The following SEM1 variants were observed in gnomAD, a reference collection of about 807,000 sequenced individuals.
SEM1 encodes the protein SEM1 26S proteasome subunit.
Under a neutral mutation model 12.7 loss-of-function variants are expected in SEM1, and 3 were observed. That is an observed-to-expected ratio of 0.24 (90% CI 0.11 to 0.61). The LOEUF (loss-of-function observed/expected upper bound fraction) is 0.61, where lower values mean the gene tolerates loss of function less well. Ranked by LOEUF, SEM1 falls within the 20% of genes least tolerant of loss-of-function variation. SEM1 has a pLI of 0.88. For missense variants in SEM1, 59 were observed against 81.3 expected (o/e 0.73, Z 1.06); for synonymous variants, 30 against 27.8 (o/e 1.08, Z -0.25).
intron 2 of SEM1, among the ~76,000 whole-genome samples, chr7:96,667,636 A>T (rs993329362): frequency 6.6e-6 from 1 of 152,216 alleles, no homozygotes; most frequent in Admixed American, 6.5e-5. Context: ...ACTGAGCCAC[A>T]TACTCAATTG....
intron 2 of SEM1, among the ~76,000 whole-genome samples, chr7:96,593,333 C>G (rs1257095084): frequency 6.6e-6 from 1 of 152,168 alleles, no homozygotes. Flanking sequence ...TTAGGGGGTA[C>G]TATGTTTTCT....
At chr7:96,702,251 T>TAC (rs371384763) in intron 1 of SEM1, among the ~76,000 whole-genome samples, 3,061 of 151,386 alleles carry the variant, frequency 0.02, 58 homozygotes, top group South Asian at 0.078. Context: ...GTTTTATACA[T>TAC]ACACACACAC....
At chr7:96,651,422 GAA>G (rs56816878) in intron 2 of SEM1, among the ~76,000 whole-genome samples, 7 of 150,194 alleles carry the variant, frequency 4.7e-5, no homozygotes, top group African/African-American at 1.5e-4. Flanking sequence ...GTAGACTCAA[GAA>G]AAAAAAAATC....
intron 2 of SEM1, among the ~76,000 whole-genome samples, chr7:96,655,407 C>G (rs184599597): frequency 9.3e-5 from 14 of 151,010 alleles, no homozygotes; most frequent in African/African-American, 2.7e-4. Flanking sequence ...AACAGCTCTA[C>G]TAAAGTATAT....
chr7:96,557,374 G>A (rs1475242232), intron 2 of SEM1, among the ~76,000 whole-genome samples: 4 of 137,198 alleles, frequency 2.9e-5, no homozygotes, highest in Admixed American at 7.6e-5. Flanking sequence ...TTTTTGGTGT[G>A]GATGTCCTTT....
intron 2 of SEM1, among the ~76,000 whole-genome samples, chr7:96,570,126 A>T (rs1434040856): frequency 3.3e-5 from 5 of 151,736 alleles, no homozygotes; most frequent in Admixed American, 3.3e-4. Context: ...GACTGTACTA[A>T]TCTGCATTCC....
chr7:96,543,227 G>C (rs1201345802), intron 2 of SEM1, among the ~76,000 whole-genome samples: 1 of 151,878 alleles, frequency 6.6e-6, no homozygotes, highest in Non-Finnish European at 1.5e-5. Context: ...AAACAATAAA[G>C]TATAACAACT....
At chr7:96,566,736 C>T (rs558012725) in intron 2 of SEM1, among the ~76,000 whole-genome samples, 4 of 151,684 alleles carry the variant, frequency 2.6e-5, no homozygotes, top group African/African-American at 7.2e-5. Context: ...TTTTTAAATT[C>T]TCACATAATT....
chr7:96,690,403 G>C (rs1427225331), intron 2 of SEM1, among the ~76,000 whole-genome samples: 6 of 152,042 alleles, frequency 3.9e-5, no homozygotes. Context: ...CAAACAAGAT[G>C]ATGAAATGCT....
intron 2 of SEM1, among the ~76,000 whole-genome samples, chr7:96,608,977 T>C (rs182887676): frequency 6.6e-6 from 1 of 152,216 alleles, no homozygotes; most frequent in Non-Finnish European, 1.5e-5. Flanking sequence ...ACAGAAATTG[T>C]ATAAATACCC....
chr7:96,594,632 T>A (rs1806939539), intron 2 of SEM1, among the ~76,000 whole-genome samples: 1 of 152,212 alleles, frequency 6.6e-6, no homozygotes, highest in South Asian at 2.1e-4. Flanking sequence ...GTGTTTTTTG[T>A]TAATTGGCAA....
downstream of SEM1, among the ~76,000 whole-genome samples, chr7:96,685,533 T>C (rs911377506): frequency 1.3e-5 from 2 of 152,090 alleles, no homozygotes; most frequent in Middle Eastern, 3.2e-3. Context: ...TTGTGCAGAA[T>C]AGTCCCTTCC....
At chr7:96,589,380 A>C (rs1220124654) in intron 2 of SEM1, among the ~76,000 whole-genome samples, 1 of 152,170 alleles carries the variant, frequency 6.6e-6, no homozygotes, top group African/African-American at 2.4e-5. Flanking sequence ...CTCTTCGGTC[A>C]CTGTATGTGC....
chr7:96,649,356 A>G (rs1808895832), intron 2 of SEM1: 1 of 152,192 alleles, frequency 6.6e-6, no homozygotes, highest in Non-Finnish European at 1.5e-5. Context: ...TTCTCCAAAA[A>G]AATATTCTGT....
intron 2 of SEM1, among the ~76,000 whole-genome samples, chr7:96,563,931 T>C (rs902603602): frequency 2.0e-5 from 3 of 152,106 alleles, no homozygotes; most frequent in African/African-American, 7.2e-5. Flanking sequence ...GCTTTCCAAA[T>C]CTGATTTTAC....
chr7:96,664,714 CACTT>C (rs1465603855), intron 2 of SEM1, among the ~76,000 whole-genome samples: 4 of 152,114 alleles, frequency 2.6e-5, no homozygotes, highest in Admixed American at 6.5e-5. Flanking sequence ...ATTGTAAAGA[CACTT>C]ACACACACAC....
chr7:96,709,429 G>T (rs997060282), intron 1 of SEM1, among the ~76,000 whole-genome samples: 2 of 152,204 alleles, frequency 1.3e-5, no homozygotes, highest in Admixed American at 1.3e-4. Flanking sequence ...ACAGACGCGG[G>T]GCTATGGGTC....
At chr7:96,554,009 T>C (rs1805388851) in intron 2 of SEM1, among the ~76,000 whole-genome samples, 1 of 151,772 alleles carries the variant, frequency 6.6e-6, no homozygotes. Context: ...CTGTTGTTGG[T>C]GTATAAGAAT....
At chr7:96,504,072 T>G (rs183698692) in intron 3 of SEM1, among the ~76,000 whole-genome samples, 1 of 152,280 alleles carries the variant, frequency 6.6e-6, no homozygotes, top group African/African-American at 2.4e-5. Flanking sequence ...AAGGGTCTGA[T>G]GAAGCTTTGC....
Sources: allele counts gnomAD v4.1 joint callset (sites outside exome capture counted in the v4.1 genomes callset), GRCh38; gene constraint gnomAD v4.1.1; transcripts MANE v1.5; gene names NCBI Gene and HGNC (gene_info 2026-07-23, HGNC 2026-07-21).